Variants in SZRD1 observed in about 807,000 individuals in gnomAD.
SZRD1 encodes SUZ RNA-binding domain-containing.
Under a neutral mutation model 17.6 loss-of-function variants are expected in SZRD1, and 7 were observed. The observed-to-expected ratio is 0.40, with a 90% CI of 0.23 to 0.75. The LOEUF (loss-of-function observed/expected upper bound fraction) is 0.75, where lower values mean the gene tolerates loss of function less well. SZRD1 is among the 30% of genes least tolerant of loss of function. SZRD1 has a pLI of 0.38. For missense variants in SZRD1, 178 were observed against 201.8 expected (o/e 0.88, Z 0.71); for synonymous variants, 77 against 77.9 (o/e 0.99, Z 0.06).
chr1:16,369,067 G>A (rs1202124660), intron 1 of SZRD1: 4 of 280,008 alleles, frequency 1.4e-5, no homozygotes, highest in Non-Finnish European at 2.6e-5. Flanking sequence ...TCTTTCTGAC[G>A]CTTGTCGCGT....
intron 1 of SZRD1, among the ~76,000 whole-genome samples, chr1:16,390,284 C>T (rs895259314): frequency 2.0e-5 from 3 of 152,186 alleles, no homozygotes; most frequent in African/African-American, 7.2e-5. Context: ...GATATAGATG[C>T]TCACACGCGT....
chr1:16,369,216 G>T, intron 1 of SZRD1: 1 of 505,644 alleles, frequency 2.0e-6, no homozygotes. Context: ...AGCTATCTTT[G>T]CTGTTAGTAA....
At chr1:16,385,906 G>C (rs998221041) in intron 1 of SZRD1, among the ~76,000 whole-genome samples, 1 of 152,152 alleles carries the variant, frequency 6.6e-6, no homozygotes, top group African/African-American at 2.4e-5. Flanking sequence ...TAAAGGACCA[G>C]CCCTGTCGAG....
intron 1 of SZRD1, among the ~76,000 whole-genome samples, chr1:16,380,450 G>T (rs1018099915): frequency 6.6e-6 from 1 of 151,922 alleles, no homozygotes; most frequent in East Asian, 1.9e-4. Context: ...TTACAAGCAT[G>T]TGCCACCATG....
rs1232637953 is a variant in SZRD1, at chr1:16,395,615, T to TC, written c.*476dup. The TC allele has an allele frequency of 1.3e-5, 2 of 159,590 alleles. No individual in the cohort carries two copies. The highest frequency in any genetic ancestry group is 4.8e-5 in the African/African-American group (2 of 41,572). 9.9% of individuals were successfully genotyped at this position (159,590 alleles called of 1,614,324 possible). On this transcript the variant is annotated 3_prime_UTR_variant, in exon 4 of 4. Transcript: ENST00000401088. Reference sequence around the variant, plus strand: ...TTGAAAATATCCTTTCTTTTTTTTTTCTTCCTATTTTTGTTTGTTTATACA... The same window carrying TC: ...TTGAAAATATCCTTTCTTTTTTTTTTCCTTCCTATTTTTGTTTGTTTATACA...
chr1:16,373,176 T>G (rs537662140), intron 1 of SZRD1, among the ~76,000 whole-genome samples: 8 of 151,184 alleles, frequency 5.3e-5, no homozygotes, highest in Middle Eastern at 3.5e-3. Context: ...AAAGGCTTCC[T>G]TGTACTTGGT....
intron 1 of SZRD1, among the ~76,000 whole-genome samples, chr1:16,377,213 T>A (rs1436015412): frequency 6.6e-6 from 1 of 152,102 alleles, no homozygotes; most frequent in East Asian, 1.9e-4. Context: ...ATCTGGTGGA[T>A]GAGGGTTAAT....
intron 1 of SZRD1, among the ~76,000 whole-genome samples, chr1:16,372,058 C>T (rs950155520): frequency 6.6e-6 from 1 of 152,076 alleles, no homozygotes; most frequent in Non-Finnish European, 1.5e-5. Flanking sequence ...TTGAGAAGTC[C>T]CTCACATATT....
intron 1 of SZRD1, chr1:16,369,036 T>A (rs2082867565): frequency 8.9e-6 from 2 of 225,380 alleles, no homozygotes; most frequent in South Asian, 2.0e-4. Flanking sequence ...AGCCTAGAGA[T>A]GTGAGATTTA....
rs58963543 is a variant in SZRD1 at position 16,384,375 on chromosome 1, C to CAA, written c.52-6985_52-6984dup. Among the ~76,000 whole-genome samples, 741 of 111,016 alleles carry CAA rather than the reference C, an allele frequency of 6.7e-3. 4 individuals carry two copies. Among genetic ancestry groups the CAA allele is most frequent in the Non-Finnish European group, 0.01 (537 of 51,850 alleles). The allele number at this position is 111,016 out of a possible 152,430, so 72.8% of individuals were successfully genotyped here. A position where few individuals can be genotyped will look rare whatever the true frequency, so the allele number is the denominator to read the frequency against. On this transcript the variant is annotated intron_variant, in intron 1 of 3. Transcript: ENST00000401088. Reference sequence around the variant, plus strand: ...GAACATAGCAAGACCCCGTCTCCACCAAAAAAAAAAAAAAAAGGGAAAAAG... The same window carrying CAA: ...GAACATAGCAAGACCCCGTCTCCACCAAAAAAAAAAAAAAAAAAGGGAAAAAG...
chr1:16,376,236 A>T (rs77810356), intron 1 of SZRD1, among the ~76,000 whole-genome samples: 2,762 of 152,264 alleles, frequency 0.018, 87 homozygotes, highest in African/African-American at 0.062. Flanking sequence ...TTCTCACCAG[A>T]TAATTAACTA....
rs536414420 is a variant in SZRD1 at position 16,369,445 on chromosome 1, A to G, written c.51+2137A>G. ...GGCAGCATCCATGATTCCATCTTCT[A>G]CGGGGTGAGTGCATTCAAGAGTGAA... is the stretch of plus-strand genomic sequence containing the variant. On this transcript the variant is annotated intron_variant, in intron 1 of 3. Transcript: ENST00000401088. 1.2e-5 allele frequency: 13 copies of G among 1,055,184 alleles called. No homozygotes were observed. In the East Asian group the frequency reaches 2.6e-4, roughly 21 times the overall value. 65.4% of individuals were successfully genotyped at this position (1,055,184 alleles called of 1,614,324 possible).
chr1:16,367,311 A>G lies in SZRD1; in HGVS notation c.51+3A>G, dbSNP rs1213059638. On this transcript the variant is annotated splice_donor_region_variant and intron_variant, in intron 1 of 3. Coordinates refer to ENST00000401088, the MANE Select transcript of SZRD1 (RefSeq NM_001114600.3). ...GGGAAGAGGCGGCAGACAGCGGGGT[A>G]AGGAGGAGCCGCCGTCCCATGGCAG... is the stretch of plus-strand genomic sequence containing the variant. 5 of 1,548,342 alleles carry G rather than the reference A, an allele frequency of 3.2e-6. No homozygotes were observed. Among genetic ancestry groups the G allele is most frequent in the Middle Eastern group, 2.3e-4 (1 of 4,384 alleles).
intron 1 of SZRD1, among the ~76,000 whole-genome samples, chr1:16,388,489 A>G (rs4661744): frequency 0.19 from 29,325 of 151,994 alleles, 3,316 homozygotes; most frequent in Non-Finnish European, 0.25. Context: ...CTAGTTTCAT[A>G]TGGTTAATCT....
rs2085319958 is a variant in SZRD1 at position 16,396,823 on chromosome 1, G to T, written c.*1683G>T. 1 of 152,356 alleles carries T rather than the reference G, an allele frequency of 6.6e-6. No individual in the cohort carries two copies. The highest frequency in any genetic ancestry group is 1.5e-5 in the Non-Finnish European group (1 of 68,146). The allele number at this position is 152,356 out of a possible 1,614,324, so 9.4% of individuals were successfully genotyped here. A position where few individuals can be genotyped will look rare whatever the true frequency, so the allele number is the denominator to read the frequency against. ...CCTCCGGAGGAAGGGCCAGCTGCCA[G>T]CTGAGTCAGCAGCTAGTCCATAGCA... On this transcript the variant is annotated 3_prime_UTR_variant, in exon 4 of 4. Transcript: ENST00000401088.
In SZRD1 at chr1:16,393,448, C is replaced by T. The variant is rs780339069; in HGVS notation, c.322C>T (p.Pro108Ser). ...GAAGCGGATCCTGGGCAGCGCCAGC[C>T]CCGAGGAGGAGCAGGAGAAACCCAT... ...ARKRILGSASPEEEQEKPILD... is the reference protein window; with the variant it reads ...ARKRILGSASSEEEQEKPILD... Residue 108 changes from proline (P) to serine (S), a missense_variant, in exon 3 of 4, where the codon CCC (proline) becomes TCC (serine). Transcript: ENST00000401088. The surrounding 1 kb of genome is among the most constrained non-coding windows in gnomAD (Gnocchi z 5.6). 1.9e-5 allele frequency: 31 copies of T among 1,613,656 alleles called. No homozygotes were observed. The highest frequency in any genetic ancestry group is 2.5e-5 in the Non-Finnish European group (29 of 1,179,894).
chr1:16,387,874 A>G, intron 1 of SZRD1: 1 of 359,154 alleles, frequency 2.8e-6, no homozygotes, highest in South Asian at 2.1e-5. Context: ...ATACAATTCC[A>G]TCAATACAGT....
rs1002794814 is a variant in SZRD1, at chr1:16,383,648, C to G, written c.52-7727C>G. 3.5e-5 allele frequency among the ~76,000 whole-genome samples: 4 copies of G among 114,892 alleles called. No homozygotes were observed. In the Admixed American group the frequency reaches 4.6e-4, roughly 13 times the overall value. 75.4% of individuals were successfully genotyped at this position (114,892 alleles called of 152,430 possible). On this transcript the variant is annotated intron_variant, in intron 1 of 3. Transcript: ENST00000401088. ...CTTTTTTTTTTTTTTTAGACAGAGT[C>G]TTGCTCTGTTGCCCAGGCTGGAGTG...
At position 16,389,276 on chromosome 1, in the gene SZRD1, T is replaced by TG. The variant is rs201163423; in HGVS notation, c.52-2089dup. Among the ~76,000 whole-genome samples the TG allele has an allele frequency of 6.0e-3, 486 of 81,512 alleles. 4 individuals carry two copies. Among genetic ancestry groups the TG allele is most frequent in the Middle Eastern group, 0.021 (4 of 192 alleles). The allele number at this position is 81,512 out of a possible 152,430, so 53.5% of individuals were successfully genotyped here. A position where few individuals can be genotyped will look rare whatever the true frequency, so the allele number is the denominator to read the frequency against. On this transcript the variant is annotated intron_variant, in intron 1 of 3. Coordinates refer to ENST00000401088, the MANE Select transcript of SZRD1 (RefSeq NM_001114600.3). ...TTTTTTGTATTTTTTTGAGGGGGGG[T>TG]GGGGGGGGGGCAGAGTCTTGCTCTG...
Sources: gnomAD v4.1 joint callset for allele counts (sites outside exome capture counted in the v4.1 genomes callset) on GRCh38, gnomAD v4.1.1 for gene constraint, Gnocchi (gnomAD v3.1) non-coding constraint, MANE v1.5 for transcripts, NCBI Gene and HGNC (gene_info 2026-07-23, HGNC 2026-07-21) for gene names.